SLC6A11: variants seen among roughly 807,000 people sequenced by gnomAD.
SLC6A11 encodes the protein solute carrier family 6 member 11.
A neutral mutation model predicts 74.8 loss-of-function variants in SLC6A11; 25 were observed. The ratio of observed to expected loss-of-function variants is 0.33; its 90% CI spans 0.24 to 0.47. The LOEUF (loss-of-function observed/expected upper bound fraction) is 0.47, where lower values mean the gene tolerates loss of function less well. Ranked by LOEUF, SLC6A11 falls within the 20% of genes least tolerant of loss-of-function variation. The probability of loss-of-function intolerance (pLI) is 1.00; values close to 1 mark genes in which losing one functional copy is unlikely to be tolerated. For missense variants in SLC6A11, 574 were observed against 837.0 expected (o/e 0.69, Z 3.88); for synonymous variants, 330 against 330.2 (o/e 1.00, Z 0.01).
At chr3:10,905,126 G>A (rs1695286865) in intron 6 of SLC6A11, among the ~76,000 whole-genome samples, 1 of 152,204 alleles carries the variant, frequency 6.6e-6, no homozygotes, top group Non-Finnish European at 1.5e-5. Context: ...TGTGCTTGTG[G>A]AATTTTTAGT....
At chr3:10,825,112 G>A (rs922126495) in intron 4 of SLC6A11, 1 of 149,928 alleles carries the variant, frequency 6.7e-6, no homozygotes, top group African/African-American at 2.5e-5. Flanking sequence ...AACCTGGAAG[G>A]CGAAAGTTGC....
chr3:10,858,860 C>T (rs534104627), intron 5 of SLC6A11, among the ~76,000 whole-genome samples: 427 of 152,278 alleles, frequency 2.8e-3, no homozygotes, highest in Non-Finnish European at 4.6e-3. Context: ...ATATCTAAGA[C>T]TTGGTCCTGT....
At chr3:10,848,667 A>T (rs1255034919) in intron 5 of SLC6A11, among the ~76,000 whole-genome samples, 1 of 152,224 alleles carries the variant, frequency 6.6e-6, no homozygotes, top group Non-Finnish European at 1.5e-5. Context: ...GACACTGGAC[A>T]GCCTTGTCTC....
intron 6 of SLC6A11, among the ~76,000 whole-genome samples, chr3:10,904,463 C>T (rs1294289566): frequency 6.6e-6 from 1 of 152,248 alleles, no homozygotes; most frequent in African/African-American, 2.4e-5. Context: ...CCCACAGCTG[C>T]ACTGCCAGAA....
chr3:10,857,310 G>A (rs1694649623), intron 5 of SLC6A11, among the ~76,000 whole-genome samples: 1 of 152,158 alleles, frequency 6.6e-6, no homozygotes, highest in Non-Finnish European at 1.5e-5. Context: ...ATGGCTATAG[G>A]GGTTGGGAAG....
intron 5 of SLC6A11, among the ~76,000 whole-genome samples, chr3:10,854,128 C>G (rs1321523251): frequency 2.0e-5 from 3 of 152,234 alleles, no homozygotes; most frequent in Non-Finnish European, 4.4e-5. Flanking sequence ...TTGCTCACGT[C>G]TGTAATCCCA....
At chr3:10,925,441 C>T (rs989482021) in intron 8 of SLC6A11, among the ~76,000 whole-genome samples, 1 of 152,208 alleles carries the variant, frequency 6.6e-6, no homozygotes, top group South Asian at 2.1e-4. Context: ...TATCTGTCTG[C>T]TGACATTGAT....
chr3:10,910,041 C>T (rs774134138), intron 6 of SLC6A11, among the ~76,000 whole-genome samples: 1 of 152,144 alleles, frequency 6.6e-6, no homozygotes. Flanking sequence ...TCTCCTACCC[C>T]ATCTCAGTGC....
chr3:10,860,336 T>C (rs1425163886), intron 5 of SLC6A11, among the ~76,000 whole-genome samples: 3 of 152,218 alleles, frequency 2.0e-5, no homozygotes, highest in Middle Eastern at 3.2e-3. Context: ...GCAGCTGCCA[T>C]GTGGGAGCCA....
chr3:10,892,735 G>A (rs762005283), intron 6 of SLC6A11, among the ~76,000 whole-genome samples: 9 of 152,128 alleles, frequency 5.9e-5, no homozygotes, highest in Non-Finnish European at 1.2e-4. Flanking sequence ...TCCTTTGGAG[G>A]AGACAAAGCC....
intron 13 of SLC6A11, among the ~76,000 whole-genome samples, chr3:10,937,790 A>G (rs1169625199): frequency 6.6e-6 from 1 of 152,190 alleles, no homozygotes; most frequent in Non-Finnish European, 1.5e-5. Context: ...ACCTTCCCCG[A>G]CATGATGGCA....
At chr3:10,851,182 G>C (rs1694571251) in intron 5 of SLC6A11, among the ~76,000 whole-genome samples, 1 of 151,912 alleles carries the variant, frequency 6.6e-6, no homozygotes, top group Non-Finnish European at 1.5e-5. Flanking sequence ...TCTCTTGGTG[G>C]ATGATTTATG....
rs76111192 is a variant in SLC6A11, at chr3:10,921,020, G to A, written c.1120+2567G>A. 3.2e-4 allele frequency among the ~76,000 whole-genome samples: 48 copies of A among 152,332 alleles called. No homozygotes were observed. The East Asian group carries it at 8.3e-3, about 26-fold the overall frequency. ...ATGATTTTTGGAAAATACTTAATTA[G>A]ATGCCAGAACACTCAGTGGGATGTC... is the stretch of plus-strand genomic sequence containing the variant. On this transcript the variant is annotated intron_variant, in intron 8 of 13. Coordinates refer to ENST00000254488, the MANE Select transcript of SLC6A11 (RefSeq NM_014229.3).
At chr3:10,823,674 A>G in intron 4 of SLC6A11, 1 of 337,102 alleles carries the variant, frequency 3.0e-6, no homozygotes, top group East Asian at 5.4e-5. Flanking sequence ...AGACAGTTTA[A>G]AAATTCATTT....
At chr3:10,874,474 C>T (rs1214406299) in intron 5 of SLC6A11, among the ~76,000 whole-genome samples, 1 of 152,142 alleles carries the variant, frequency 6.6e-6, no homozygotes, top group Non-Finnish European at 1.5e-5. Flanking sequence ...CTGTGGCCCA[C>T]TCCTATCACC....
At chr3:10,837,251 G>A (rs999139593) in intron 4 of SLC6A11, among the ~76,000 whole-genome samples, 1 of 152,224 alleles carries the variant, frequency 6.6e-6, no homozygotes, top group Non-Finnish European at 1.5e-5. Flanking sequence ...GGAAGTGCAG[G>A]ATGTTTGGGG....
At position 10,940,558 on chromosome 3, in the gene SLC6A11, T is replaced by C. The variant is rs1295852468; in HGVS notation, c.*2156T>C. On this transcript the variant is annotated 3_prime_UTR_variant, in exon 14 of 14. Coordinates refer to ENST00000254488, the MANE Select transcript of SLC6A11 (RefSeq NM_014229.3). Reference sequence around the variant, plus strand: ...GTCATTGTGATGACTTTTTTGATATTCATTAGAAACAATACATCCTTTCTG... The same window carrying C: ...GTCATTGTGATGACTTTTTTGATATCCATTAGAAACAATACATCCTTTCTG... 6.6e-6 allele frequency: 1 copy of C among 152,186 alleles called. No homozygotes were observed. The highest frequency in any genetic ancestry group is 1.5e-5 in the Non-Finnish European group (1 of 68,038). The allele number at this position is 152,186 out of a possible 1,614,324, so 9.4% of individuals were successfully genotyped here. A position where few individuals can be genotyped will look rare whatever the true frequency, so the allele number is the denominator to read the frequency against.
At chr3:10,886,527 G>A (rs1695044501) in intron 6 of SLC6A11, among the ~76,000 whole-genome samples, 1 of 152,190 alleles carries the variant, frequency 6.6e-6, no homozygotes, top group Admixed American at 6.5e-5. Context: ...CCCTCACTAG[G>A]CTGGGTATGG....
At chr3:10,862,619 GTTC>G (rs1694715608) in intron 5 of SLC6A11, among the ~76,000 whole-genome samples, 1 of 152,168 alleles carries the variant, frequency 6.6e-6, no homozygotes, top group Non-Finnish European at 1.5e-5. Context: ...TGTGTCCTGG[GTTC>G]TTCTTGCTTT....
Sources: allele counts gnomAD v4.1 joint callset (sites outside exome capture counted in the v4.1 genomes callset), GRCh38; gene constraint gnomAD v4.1.1; transcripts MANE v1.5; gene names NCBI Gene and HGNC (gene_info 2026-07-23, HGNC 2026-07-21).